Variants in SGCZ observed in about 807,000 individuals in gnomAD.
SGCZ encodes sarcoglycan zeta.
A neutral mutation model predicts 41.3 loss-of-function variants in SGCZ; 40 were observed. That is an observed-to-expected ratio of 0.97 (90% CI 0.75 to 1.26). The LOEUF is 1.26. Among genes scored for constraint, SGCZ ranks in the 50% most tolerant of loss-of-function variants. SGCZ has a pLI of 0.00. For missense variants in SGCZ, 552 were observed against 369.8 expected (o/e 1.49, Z -4.04); for synonymous variants, 206 against 137.5 (o/e 1.50, Z -3.49).
chr8:14,211,718 AACTC>A (rs1190082411), intron 4 of SGCZ, among the ~76,000 whole-genome samples: 2 of 152,146 alleles, frequency 1.3e-5, no homozygotes, highest in African/African-American at 4.8e-5. Context: ...ATCTCGTGAG[AACTC>A]ACTCACTATC....
intron 2 of SGCZ, among the ~76,000 whole-genome samples, chr8:14,377,389 T>C (rs1248799206): frequency 6.6e-6 from 1 of 152,298 alleles, no homozygotes; most frequent in South Asian, 2.1e-4. Flanking sequence ...CTGAGCCACA[T>C]AATTTATAAT....
chr8:15,095,291 G>A (rs1001700913), intron 1 of SGCZ, among the ~76,000 whole-genome samples: 1 of 152,012 alleles, frequency 6.6e-6, no homozygotes, highest in South Asian at 2.1e-4. Flanking sequence ...TAGAGATGGG[G>A]TTTCACCATG....
At chr8:14,237,471 A>C in intron 4 of SGCZ, 121 bp downstream of exon 4, 1 of 912,758 alleles carries the variant, frequency 1.1e-6, no homozygotes, top group Non-Finnish European at 1.7e-6. Flanking sequence ...TGACAGAGTG[A>C]GACTCTGTCT....
intron 1 of SGCZ, among the ~76,000 whole-genome samples, chr8:15,046,561 C>G (rs1221694067): frequency 6.6e-6 from 1 of 151,952 alleles, no homozygotes; most frequent in Non-Finnish European, 1.5e-5. Flanking sequence ...TTCTTCCCTT[C>G]CAGTGGAGTA....
intron 1 of SGCZ, among the ~76,000 whole-genome samples, chr8:14,891,204 G>T (rs564337865): frequency 6.6e-6 from 1 of 152,214 alleles, no homozygotes; most frequent in South Asian, 2.1e-4. Flanking sequence ...AGTTGTCACA[G>T]ATAGTAATTC....
intron 2 of SGCZ, among the ~76,000 whole-genome samples, chr8:14,362,886 T>A (rs951218511): frequency 5.3e-5 from 8 of 152,228 alleles, no homozygotes; most frequent in Non-Finnish European, 8.8e-5. Context: ...TATGCAAATA[T>A]AGTATTATTG....
At chr8:14,254,249 T>C (rs773359327) in intron 3 of SGCZ, among the ~76,000 whole-genome samples, 1 of 152,206 alleles carries the variant, frequency 6.6e-6, no homozygotes, top group Non-Finnish European at 1.5e-5. Context: ...AAAATTTTCA[T>C]TGCCTGATAA....
chr8:14,549,268 A>G (rs1803727178), intron 2 of SGCZ, among the ~76,000 whole-genome samples: 1 of 152,118 alleles, frequency 6.6e-6, no homozygotes, highest in African/African-American at 2.4e-5. Flanking sequence ...CTGAAAAACT[A>G]TCTTACCAAA....
At chr8:15,009,770 C>T (rs11203673) in intron 1 of SGCZ, among the ~76,000 whole-genome samples, 144,261 of 152,212 alleles carry the variant, frequency 0.95, 68,478 homozygotes, top group Middle Eastern at 0.99. Context: ...GTTTAGCAAA[C>T]GCAAAATTTG....
intron 1 of SGCZ, among the ~76,000 whole-genome samples, chr8:15,075,237 AT>A (rs1399853507): frequency 2.0e-5 from 3 of 146,492 alleles, no homozygotes; most frequent in East Asian, 4.0e-4. Context: ...AAAAAAAAAA[AT>A]GGATTATCAT....
chr8:14,863,037 G>A (rs1227038381), intron 1 of SGCZ, among the ~76,000 whole-genome samples: 1 of 152,074 alleles, frequency 6.6e-6, no homozygotes, highest in Non-Finnish European at 1.5e-5. Flanking sequence ...TTGATTACTG[G>A]GATGATTGAG....
intron 1 of SGCZ, among the ~76,000 whole-genome samples, chr8:14,960,563 T>C (rs1337403338): frequency 6.6e-6 from 1 of 152,114 alleles, no homozygotes. Context: ...CAGCTTCATC[T>C]TTTCTTGAGC....
chr8:14,369,904 T>A (rs1803850169), intron 2 of SGCZ, among the ~76,000 whole-genome samples: 1 of 151,996 alleles, frequency 6.6e-6, no homozygotes, highest in African/African-American at 2.4e-5. Context: ...AATTATTAAG[T>A]AATTAATTTC....
At chr8:15,085,879 A>G (rs1482213815) in intron 1 of SGCZ, among the ~76,000 whole-genome samples, 1 of 152,112 alleles carries the variant, frequency 6.6e-6, no homozygotes, top group Non-Finnish European at 1.5e-5. Flanking sequence ...CCCACCTATC[A>G]TCACCTACCC....
intron 2 of SGCZ, among the ~76,000 whole-genome samples, chr8:14,483,278 T>C (rs988652660): frequency 5.3e-5 from 8 of 152,154 alleles, no homozygotes; most frequent in African/African-American, 1.9e-4. Context: ...GTAGAACAAA[T>C]GGGATTTGAG....
intron 1 of SGCZ, among the ~76,000 whole-genome samples, chr8:14,946,379 G>T (rs541489847): frequency 6.6e-6 from 1 of 151,718 alleles, no homozygotes; most frequent in Non-Finnish European, 1.5e-5. Flanking sequence ...GCTGCTCTCC[G>T]CAGTCCCAAA....
chr8:14,957,956 T>A (rs1800844466), intron 1 of SGCZ, among the ~76,000 whole-genome samples: 2 of 152,112 alleles, frequency 1.3e-5, no homozygotes, highest in South Asian at 4.1e-4. Context: ...GAGTGTGAAA[T>A]AAATTTACCA....
chr8:15,117,176 G>A (rs1807299414), intron 1 of SGCZ, among the ~76,000 whole-genome samples: 1 of 152,070 alleles, frequency 6.6e-6, no homozygotes, highest in South Asian at 2.1e-4. Context: ...TCGAGACCAC[G>A]GTGAAACCCC....
chr8:14,160,468 G>A (rs1158977927), intron 5 of SGCZ, among the ~76,000 whole-genome samples: 3 of 151,928 alleles, frequency 2.0e-5, no homozygotes, highest in African/African-American at 7.3e-5. Flanking sequence ...CCAATAGTAG[G>A]GAATACAAAA....
Sources: gnomAD v4.1 joint callset for allele counts (sites outside exome capture counted in the v4.1 genomes callset) on GRCh38, gnomAD v4.1.1 for gene constraint, MANE v1.5 for transcripts, NCBI Gene and HGNC (gene_info 2026-07-23, HGNC 2026-07-21) for gene names.